DBX1: variants seen among roughly 807,000 people sequenced by gnomAD.
The protein encoded by DBX1 is homeobox protein DBX1.
DBX1 carries 10 observed loss-of-function variants against 20.8 expected under a neutral mutation model. That is an observed-to-expected ratio of 0.48 (90% confidence interval 0.30 to 0.82). The LOEUF (loss-of-function observed/expected upper bound fraction) is 0.82, where lower values mean the gene tolerates loss of function less well. Among genes scored for constraint, DBX1 ranks in the 40% least tolerant of loss-of-function variants. The probability of loss-of-function intolerance (pLI) is 0.07; values close to 1 mark genes in which losing one functional copy is unlikely to be tolerated. For synonymous variants in DBX1, 241 were observed against 213.9 expected (o/e 1.13, Z -1.11); for missense variants, 505 against 468.8 (o/e 1.08, Z -0.71).
intron 2 of DBX1, 57 bp from the exon 3 acceptor site, chr11:20,157,296 G>C (rs1386792580): frequency 2.1e-6 from 3 of 1,453,812 alleles, no homozygotes; most frequent in East Asian, 2.5e-5. Context: ...GTCCCAACAC[G>C]GCTCTCCCTG....
intron 2 of DBX1, among the ~76,000 whole-genome samples, chr11:20,157,668 G>A (rs572242228): frequency 2.0e-5 from 3 of 152,114 alleles, no homozygotes; most frequent in African/African-American, 7.2e-5. Flanking sequence ...TGAAAATGAG[G>A]TGCTTTACTA....
chr11:20,156,464 G>A lies in DBX1; in HGVS notation c.782C>T (p.Pro261Leu). 1 of 1,613,122 alleles carries A rather than the reference G, an allele frequency of 6.2e-7. No individual in the cohort carries two copies. Among genetic ancestry groups the A allele is most frequent in the Non-Finnish European group, 8.5e-7 (1 of 1,179,678 alleles). Reference protein sequence around the residue: ...REQTLPTKLNPHPDLSDVGQK... With the variant: ...REQTLPTKLNLHPDLSDVGQK... ...GCCCACGTCGCTGAGGTCCGGGTGC[G>A]GATTGAGCTTGGTGGGCAGGGTCTG... Residue 261 changes from proline to leucine, a missense_variant, in exon 4 of 4, where the codon CCG becomes CTG. Coordinates refer to ENST00000524983, the MANE Select transcript of DBX1 (RefSeq NM_001029865.4). The surrounding 1 kb of genome is among the most constrained non-coding windows in gnomAD (Gnocchi z 4.8).
In DBX1 at chr11:20,156,957, G is replaced by A; in HGVS notation, c.672+80C>T. ...GTACAGTGGGACCTAAGCCGTTTCC[G>A]AACCCTTGCAATTGACGGGTGCGCC... On this transcript the variant is annotated intron_variant, in intron 3 of 3. Transcript: ENST00000524983. This position sits in a 1 kb window ranked among gnomAD's most constrained non-coding sequence, Gnocchi z 4.8. The A allele has an allele frequency of 5.5e-6, 8 of 1,443,292 alleles. No homozygotes were observed. Among genetic ancestry groups the A allele is most frequent in the Non-Finnish European group, 7.6e-6 (8 of 1,055,166 alleles). The allele number at this position is 1,443,292 out of a possible 1,614,324, so 89.4% of individuals were successfully genotyped here. A position where few individuals can be genotyped will look rare whatever the true frequency, so the allele number is the denominator to read the frequency against.
At position 20,159,311 on chromosome 11, in the gene DBX1, GGGACAGAA is replaced by G; in HGVS notation, c.368-27_368-20del. The G allele has an allele frequency of 2.6e-6, 4 of 1,528,690 alleles. No individual in the cohort carries two copies. Among genetic ancestry groups the G allele is most frequent in the Middle Eastern group, 1.7e-4 (1 of 5,880 alleles). 94.7% of individuals were successfully genotyped at this position (1,528,690 alleles called of 1,614,324 possible). A position where few individuals can be genotyped will look rare whatever the true frequency, so the allele number is the denominator to read the frequency against. ...GATGTTTCTGGTGGGCGATGGAGGG[GGGACAGAA>G]GGAGAGAGGGAGACAGAAAGAATCT... On this transcript the variant is annotated intron_variant, in intron 1 of 3. Transcript: ENST00000524983.
chr11:20,157,512 T>G, intron 2 of DBX1, among the ~76,000 whole-genome samples: 1 of 152,106 alleles, frequency 6.6e-6, no homozygotes, highest in African/African-American at 2.4e-5. Context: ...TTCCATTCAG[T>G]GGACTTAGGG....
rs2063658054 is a variant in DBX1, at chr11:20,156,529, GGAGTTCCGCCATTT to G, written c.703_716del (p.Lys235GlnfsTer8). The G allele has an allele frequency of 1.2e-6, 2 of 1,613,938 alleles. No homozygotes were observed. Among genetic ancestry groups the G allele is most frequent in the African/African-American group, 2.7e-5 (2 of 74,950 alleles). ...CGCTAGACAGGAGTTCGCGCTCCTT[GGAGTTCCGCCATTT>G]CATGCGTCGGTTCTGGAACCAGATT... On this transcript the variant is annotated frameshift_variant, in exon 4 of 4. Transcript: ENST00000524983. LOFTEE classifies it high-confidence loss of function. This position sits in a 1 kb window ranked among gnomAD's most constrained non-coding sequence, Gnocchi z 4.8.
chr11:20,156,768 G>T lies in DBX1; in HGVS notation c.673-195C>A. The stretch of plus-strand genomic sequence containing the variant: ...CCCGCCTCAGCTCGCGGTTCCGTTT[G>T]CCTCATCCGCTGCCACCCTGCCCCG... On this transcript the variant is annotated intron_variant, in intron 3 of 3. Coordinates refer to ENST00000524983, the MANE Select transcript of DBX1 (RefSeq NM_001029865.4). This position sits in a 1 kb window ranked among gnomAD's most constrained non-coding sequence, Gnocchi z 4.8. The T allele has an allele frequency of 1.1e-6, 1 of 946,594 alleles. No individual in the cohort carries two copies. The highest frequency in any genetic ancestry group is 1.6e-6 in the Non-Finnish European group (1 of 607,072). 58.6% of individuals were successfully genotyped at this position (946,594 alleles called of 1,614,324 possible). A position where few individuals can be genotyped will look rare whatever the true frequency, so the allele number is the denominator to read the frequency against.
At position 20,159,290 on chromosome 11, in the gene DBX1, T is replaced by A. The variant is rs151039617; in HGVS notation, c.370A>T (p.Thr124Ser). ...AILSSGPRTE[T>S]SPALLQSVPP... ...ACGCTCTGGAGCAAGGCTGGGGATG[T>A]TTCTGGTGGGCGATGGAGGGGGGAC... Residue 124 changes from threonine (T) to serine (S), a missense_variant and splice_region_variant, in exon 2 of 4, where the codon ACA becomes TCA. Coordinates refer to ENST00000524983, the MANE Select transcript of DBX1 (RefSeq NM_001029865.4). The A allele has an allele frequency of 7.8e-5, 125 of 1,610,628 alleles. No individual in the cohort carries two copies. The African/African-American group carries it at 1.6e-3, about 20-fold the overall frequency.
rs550342567 is a variant in DBX1 at position 20,157,079 on chromosome 11, G to A, written c.630C>T (p.Asp210=). The A allele has an allele frequency of 6.2e-7, 1 of 1,613,964 alleles. No individual in the cohort carries two copies. The highest frequency in any genetic ancestry group is 8.5e-7 in the Non-Finnish European group (1 of 1,180,020). ...FQKQKYISKP[D]RKKLAAKLGL... is the part of the protein sequence containing the mutation. ...CCAGCTTGGCCGCCAGCTTCTTGCG[G>A]TCGGGCTTGCTGATGTACTTCTGCT... The change falls in exon 3 of 4, where the codon GAC becomes GAT. Residue 210 remains aspartate (D), a synonymous_variant. Transcript: ENST00000524983.
rs746731740 is a variant in DBX1 at position 20,156,674 on chromosome 11, G to C, written c.673-101C>G. On this transcript the variant is annotated intron_variant, in intron 3 of 3. Coordinates refer to ENST00000524983, the MANE Select transcript of DBX1 (RefSeq NM_001029865.4). The surrounding 1 kb of genome is among the most constrained non-coding windows in gnomAD (Gnocchi z 4.8). ...GGGAGTGGAGTCGGGTGCAGGCTCT[G>C]TCCTTCGGGCTGTGTCCTCTCCCCA... is the stretch of plus-strand genomic sequence containing the variant. 2.6e-6 allele frequency: 4 copies of C among 1,541,482 alleles called. No homozygotes were observed. The highest frequency in any genetic ancestry group is 9.0e-7 in the Non-Finnish European group (1 of 1,117,144).
chr11:20,157,921 A>G (rs1263756021), intron 2 of DBX1, among the ~76,000 whole-genome samples: 6 of 152,140 alleles, frequency 3.9e-5, no homozygotes, highest in African/African-American at 1.4e-4. Flanking sequence ...AGAGACTCTA[A>G]TGAAGCGTGA....
Position 20,156,292 on chromosome 11 carries a change from A to G in DBX1, c.954T>C (p.Ser318=), listed in dbSNP as rs2153737740. Residue 318 remains serine (S), a synonymous_variant, in exon 4 of 4, where the codon AGT becomes AGC. Transcript: ENST00000524983. This position sits in a 1 kb window ranked among gnomAD's most constrained non-coding sequence, Gnocchi z 4.8. ...PLPPSPAHSS[S]PGKPSDFSDS... is the part of the protein sequence containing the mutation. ...CTGAGAAGTCCGAAGGTTTCCCGGGACTGCTCGAGTGCGCGGGCGAGGGGG... is the reference window on the plus strand; with the variant it reads ...CTGAGAAGTCCGAAGGTTTCCCGGGGCTGCTCGAGTGCGCGGGCGAGGGGG... 1.9e-6 allele frequency: 3 copies of G among 1,540,394 alleles called. No homozygotes were observed. The highest frequency in any genetic ancestry group is 2.6e-6 in the Non-Finnish European group (3 of 1,145,390).
chr11:20,157,015 G>A (rs775574825), intron 3 of DBX1, 22 bp downstream of exon 3: 4 of 1,596,694 alleles, frequency 2.5e-6, no homozygotes, highest in Non-Finnish European at 2.6e-6. Flanking sequence ...CGGGGGGGGT[G>A]CTGTGGAGGA....
At position 20,156,888 on chromosome 11, in the gene DBX1, G is replaced by A. The variant is rs1403628655; in HGVS notation, c.672+149C>T. The A allele has an allele frequency of 3.8e-6, 3 of 795,720 alleles. No individual in the cohort carries two copies. In the East Asian group the frequency reaches 7.9e-5, roughly 21 times the overall value. The allele number at this position is 795,720 out of a possible 1,614,324, so 49.3% of individuals were successfully genotyped here. On this transcript the variant is annotated intron_variant, in intron 3 of 3. Transcript: ENST00000524983. The surrounding 1 kb of genome is among the most constrained non-coding windows in gnomAD (Gnocchi z 4.8). Reference sequence around the variant, plus strand: ...TATCCTGCGGAGCTTCGAGGGTAGTGGCCCGTGTACTCACTCCCTCTCTAG... The same window carrying A: ...TATCCTGCGGAGCTTCGAGGGTAGTAGCCCGTGTACTCACTCCCTCTCTAG...
chr11:20,159,628 A>T (rs982180264), intron 1 of DBX1, among the ~76,000 whole-genome samples: 23 of 144,814 alleles, frequency 1.6e-4, no homozygotes, highest in East Asian at 5.9e-4. Context: ...TATTGAGTTT[A>T]AAAAAAAAAA....
chr11:20,160,126 T>C lies in DBX1; in HGVS notation c.199A>G (p.Arg67Gly), dbSNP rs2063682666. The change falls in exon 1 of 4, where the codon AGG (arginine) becomes GGG (glycine). Residue 67 changes from arginine (R) to glycine (G), a missense_variant. Arg to Gly is a moderately radical substitution (Grantham distance 125). Transcript: ENST00000524983. ...SVPTASMSPP[R>G]QGAPTALTDT... ...GTGAGGGCCGTGGGGGCCCCCTGCCTGGGCGGCGACATGCTGGCGGTGGGC... is the reference window on the plus strand; with the variant it reads ...GTGAGGGCCGTGGGGGCCCCCTGCCCGGGCGGCGACATGCTGGCGGTGGGC... 2 of 1,548,860 alleles carry C rather than the reference T, an allele frequency of 1.3e-6. No individual in the cohort carries two copies. The highest frequency in any genetic ancestry group is 2.7e-5 in the African/African-American group (2 of 72,900).
Position 20,156,668 on chromosome 11 carries a change from G to T in DBX1, c.673-95C>A. 1 of 1,561,650 alleles carries T rather than the reference G, an allele frequency of 6.4e-7. No homozygotes were observed. The highest frequency in any genetic ancestry group is 8.8e-7 in the Non-Finnish European group (1 of 1,134,854). The stretch of plus-strand genomic sequence containing the variant: ...GGGGCGGGGAGTGGAGTCGGGTGCA[G>T]GCTCTGTCCTTCGGGCTGTGTCCTC... On this transcript the variant is annotated intron_variant, in intron 3 of 3. Coordinates refer to ENST00000524983, the MANE Select transcript of DBX1 (RefSeq NM_001029865.4). The surrounding 1 kb of genome is among the most constrained non-coding windows in gnomAD (Gnocchi z 4.8).
intron 1 of DBX1, among the ~76,000 whole-genome samples, chr11:20,159,528 A>C (rs188841521): frequency 1.3e-5 from 2 of 152,140 alleles, no homozygotes; most frequent in African/African-American, 4.8e-5. Context: ...CTCTACCCCA[A>C]TCTCCATCCT....
chr11:20,156,941 G>T lies in DBX1; in HGVS notation c.672+96C>A. The T allele has an allele frequency of 7.7e-7, 1 of 1,298,200 alleles. No homozygotes were observed. The allele number at this position is 1,298,200 out of a possible 1,614,324, so 80.4% of individuals were successfully genotyped here. A position where few individuals can be genotyped will look rare whatever the true frequency, so the allele number is the denominator to read the frequency against. On this transcript the variant is annotated intron_variant, in intron 3 of 3. Coordinates refer to ENST00000524983, the MANE Select transcript of DBX1 (RefSeq NM_001029865.4). The surrounding 1 kb of genome is among the most constrained non-coding windows in gnomAD (Gnocchi z 4.8). ...CTCGGTTTTCCCATCTGTACAGTGG[G>T]ACCTAAGCCGTTTCCGAACCCTTGC... is the stretch of plus-strand genomic sequence containing the variant.
Sources: gnomAD v4.1 joint callset for allele counts (sites outside exome capture counted in the v4.1 genomes callset) on GRCh38, gnomAD v4.1.1 for gene constraint, Gnocchi (gnomAD v3.1) non-coding constraint, MANE v1.5 for transcripts, NCBI Gene and HGNC (gene_info 2026-07-23, HGNC 2026-07-21) for gene names.